Variants in FABP12 observed in about 807,000 individuals in gnomAD.
FABP12 encodes fatty acid-binding protein 12.
Under a neutral mutation model 13.7 loss-of-function variants are expected in FABP12, and 19 were observed. That is an observed-to-expected ratio of 1.39 (90% CI 0.97 to 2.04). FABP12 has a LOEUF of 2.04. Ranked by LOEUF, FABP12 falls within the 30% of genes most tolerant of loss-of-function variation. The probability of loss-of-function intolerance (pLI) is 0.00; values close to 1 mark genes in which losing one functional copy is unlikely to be tolerated. For missense variants in FABP12, 182 were observed against 164.2 expected (o/e 1.11, Z -0.59); for synonymous variants, 61 against 57.0 (o/e 1.07, Z -0.32).
intron 1 of FABP12, among the ~76,000 whole-genome samples, chr8:81,531,844 T>C (rs1376688761): frequency 6.6e-6 from 1 of 152,042 alleles, no homozygotes; most frequent in Admixed American, 6.5e-5. Context: ...AAAGTTAAGT[T>C]TAGTAAGGGC....
At chr8:81,539,372 A>C (rs1356140938) in intron 2 of FABP12, among the ~76,000 whole-genome samples, 1 of 146,014 alleles carries the variant, frequency 6.8e-6, no homozygotes, top group Non-Finnish European at 1.5e-5. Context: ...TGATAAAATT[A>C]TATAAATTAA....
intron 1 of FABP12, among the ~76,000 whole-genome samples, chr8:81,581,227 C>T (rs1253496293): frequency 1.3e-5 from 2 of 152,186 alleles, no homozygotes; most frequent in Non-Finnish European, 2.9e-5. Flanking sequence ...CTTTGTTGAA[C>T]CCATAGGGGC....
chr8:81,564,626 A>G (rs1201546113), intron 1 of FABP12, among the ~76,000 whole-genome samples: 2 of 152,132 alleles, frequency 1.3e-5, no homozygotes, highest in Non-Finnish European at 2.9e-5. Flanking sequence ...TCAGTTTAAA[A>G]TAATGGGTTA....
intron 1 of FABP12, among the ~76,000 whole-genome samples, chr8:81,587,780 T>C (rs1397476908): frequency 6.6e-6 from 1 of 152,084 alleles, no homozygotes; most frequent in Non-Finnish European, 1.5e-5. Flanking sequence ...GATAGATGTA[T>C]ATATAAATAA....
intron 1 of FABP12, among the ~76,000 whole-genome samples, chr8:81,533,549 G>C (rs1001603565): frequency 5.3e-5 from 8 of 152,088 alleles, no homozygotes; most frequent in Non-Finnish European, 8.8e-5. Context: ...TCTGAGCTTT[G>C]TCCATTGATA....
chr8:81,538,570 G>C (rs913259822), upstream of FABP12, among the ~76,000 whole-genome samples: 2 of 152,070 alleles, frequency 1.3e-5, no homozygotes, highest in South Asian at 4.1e-4. Flanking sequence ...AGCAATTGAC[G>C]AGCTGCCATA....
chr8:81,530,073 T>C (rs901697145), intron 2 of FABP12, among the ~76,000 whole-genome samples: 3 of 152,214 alleles, frequency 2.0e-5, no homozygotes, highest in Non-Finnish European at 4.4e-5. Context: ...GTTTGTTTCC[T>C]CAATGATGTA....
At chr8:81,528,424 C>G (rs568829334) in intron 3 of FABP12, among the ~76,000 whole-genome samples, 8 of 152,264 alleles carry the variant, frequency 5.3e-5, no homozygotes, top group African/African-American at 1.9e-4. Context: ...GCATAGAAAT[C>G]CATATTAAGC....
intron 1 of FABP12, among the ~76,000 whole-genome samples, chr8:81,553,952 C>T (rs549188400): frequency 1.0e-3 from 155 of 152,258 alleles, no homozygotes; most frequent in African/African-American, 3.6e-3. Flanking sequence ...AGATGCAGCA[C>T]GCAGAGAATC....
At chr8:81,571,032 G>T (rs1181140038) in intron 1 of FABP12, among the ~76,000 whole-genome samples, 1 of 140,096 alleles carries the variant, frequency 7.1e-6, no homozygotes, top group Non-Finnish European at 1.5e-5. Flanking sequence ...GCAGGCCAGC[G>T]CCGAGCCACC....
Position 81,539,521 on chromosome 8 carries a change from A to G in FABP12, c.-59+97T>C, listed in dbSNP as rs542352665. Among the ~76,000 whole-genome samples the G allele has an allele frequency of 2.0e-3, 274 of 135,190 alleles. 2 individuals are homozygous for G. Among genetic ancestry groups the G allele is most frequent in the African/African-American group, 7.4e-3 (263 of 35,648 alleles). 88.7% of individuals were successfully genotyped at this position (135,190 alleles called of 152,430 possible). On this transcript the variant is annotated intron_variant, in intron 2 of 5. Coordinates refer to the FABP12 transcript ENST00000692030. ...ATTTTCTTTTGGAATCTTTGTAATCATACAACATCTTTTGCGTGAATACTG... is the reference window on the plus strand; with the variant it reads ...ATTTTCTTTTGGAATCTTTGTAATCGTACAACATCTTTTGCGTGAATACTG...
intron 1 of FABP12, among the ~76,000 whole-genome samples, chr8:81,548,523 G>A (rs950764611): frequency 1.3e-5 from 2 of 152,160 alleles, no homozygotes; most frequent in Non-Finnish European, 2.9e-5. Flanking sequence ...GGGGCCACTT[G>A]AATGTAGGAT....
chr8:81,589,399 A>G (rs1358338092), intron 1 of FABP12, among the ~76,000 whole-genome samples: 1 of 152,056 alleles, frequency 6.6e-6, no homozygotes, highest in African/African-American at 2.4e-5. Context: ...TCTACAAAAA[A>G]TAAAACAAAT....
At chr8:81,527,222 G>T (rs1193285419) in intron 3 of FABP12, 101 bp from the exon 4 acceptor site, 5 of 633,216 alleles carry the variant, frequency 7.9e-6, no homozygotes, top group Admixed American at 3.1e-5. Context: ...ATACTCTCAG[G>T]TAGTTTTAGA....
At chr8:81,582,118 ATTTTTTT>A (rs34960860) in intron 1 of FABP12, among the ~76,000 whole-genome samples, 4 of 96,788 alleles carry the variant, frequency 4.1e-5, no homozygotes, top group Admixed American at 2.9e-4. Flanking sequence ...GCTAACTGGA[ATTTTTTT>A]TTTTTTTTTT....
intron 1 of FABP12, among the ~76,000 whole-genome samples, chr8:81,541,793 C>A (rs1015766076): frequency 6.6e-6 from 1 of 151,538 alleles, no homozygotes; most frequent in African/African-American, 2.4e-5. Context: ...AGATGTTGTG[C>A]TTTACTTGTC....
chr8:81,565,435 T>G (rs934258931), intron 1 of FABP12, among the ~76,000 whole-genome samples: 1 of 151,976 alleles, frequency 6.6e-6, no homozygotes, highest in Non-Finnish European at 1.5e-5. Flanking sequence ...ATAAGTTAGG[T>G]CATAAAACAA....
chr8:81,561,209 T>C (rs1320407166), intron 1 of FABP12, among the ~76,000 whole-genome samples: 2 of 152,114 alleles, frequency 1.3e-5, no homozygotes, highest in Non-Finnish European at 2.9e-5. Flanking sequence ...AGAGTAATTA[T>C]CTCCCACTCT....
chr8:81,578,761 G>T (rs1392745204), intron 1 of FABP12, among the ~76,000 whole-genome samples: 1 of 150,752 alleles, frequency 6.6e-6, no homozygotes, highest in Non-Finnish European at 1.5e-5. Flanking sequence ...TGGGATTACA[G>T]GTGTGAGCCA....
Sources: allele counts gnomAD v4.1 joint callset (sites outside exome capture counted in the v4.1 genomes callset), GRCh38; gene constraint gnomAD v4.1.1; transcripts MANE v1.5; gene names NCBI Gene and HGNC (gene_info 2026-07-23, HGNC 2026-07-21).